PIK3CG: variants seen among roughly 807,000 people sequenced by gnomAD.
PIK3CG encodes the protein phosphatidylinositol-4,5-bisphosphate 3-kinase catalytic subunit gamma.
Under a neutral mutation model 102.3 loss-of-function variants are expected in PIK3CG, and 55 were observed. The ratio of observed to expected loss-of-function variants is 0.54; its 90% CI spans 0.43 to 0.67. PIK3CG has a LOEUF of 0.67. Among genes scored for constraint, PIK3CG ranks in the 30% least tolerant of loss-of-function variants. The pLI, the probability that PIK3CG is intolerant of heterozygous loss-of-function variation, is 0.00. For synonymous variants in PIK3CG, 552 were observed against 540.0 expected (o/e 1.02, Z -0.31); for missense variants, 1,258 against 1,391.8 (o/e 0.90, Z 1.53).
intron 5 of PIK3CG, among the ~76,000 whole-genome samples, chr7:106,875,638 G>C (rs1286645619): frequency 6.6e-6 from 1 of 152,066 alleles, no homozygotes; most frequent in African/African-American, 2.4e-5. Flanking sequence ...ATGCTTTTAA[G>C]ATTCATTCAT....
chr7:106,882,466 A>T, intron 7 of PIK3CG: 1 of 282,182 alleles, frequency 3.5e-6, no homozygotes, highest in East Asian at 5.9e-5. Flanking sequence ...TTCCTTCTCC[A>T]TCTCTAAACT....
chr7:106,882,245 C>A (rs2116539165), intron 7 of PIK3CG, 38 bp downstream of exon 7: 1 of 974,786 alleles, frequency 1.0e-6, no homozygotes, highest in Non-Finnish European at 1.5e-6. Context: ...GACCTCTCAG[C>A]TCGTTTGAAA....
intron 7 of PIK3CG, 70 bp from the exon 8 acceptor site, chr7:106,882,963 C>A (rs2116542554): frequency 2.4e-5 from 25 of 1,055,656 alleles, no homozygotes; most frequent in East Asian, 3.0e-5. Flanking sequence ...TCAACAAAGA[C>A]ATAGCCTTTC....
At chr7:106,888,550 G>C (rs1791175612) in intron 10 of PIK3CG, among the ~76,000 whole-genome samples, 1 of 152,294 alleles carries the variant, frequency 6.6e-6, no homozygotes, top group East Asian at 1.9e-4. Context: ...TCAGTCTGGA[G>C]TATTTCTCCA....
chr7:106,904,977 G>C, intron 10 of PIK3CG, 132 bp from the exon 11 acceptor site: 1 of 761,814 alleles, frequency 1.3e-6, no homozygotes, highest in Non-Finnish European at 2.2e-6. Flanking sequence ...TTTTTCATCT[G>C]AGGCAGGGAC....
In PIK3CG at chr7:106,879,476, G is replaced by C. The variant is rs201626520; in HGVS notation, c.2392-43G>C. The C allele has an allele frequency of 3.0e-4, 460 of 1,521,418 alleles. No individual in the cohort carries two copies. In the African/African-American group the frequency reaches 5.8e-3, roughly 19 times the overall value. 94.2% of individuals were successfully genotyped at this position (1,521,418 alleles called of 1,614,324 possible). A position where few individuals can be genotyped will look rare whatever the true frequency, so the allele number is the denominator to read the frequency against. On this transcript the variant is annotated intron_variant, in intron 5 of 10. Transcript: ENST00000496166. The surrounding 1 kb of genome is among the most constrained non-coding windows in gnomAD (Gnocchi z 4.9). ...ATTTGTGTCTCCACCATGTATATTCGTTATTCATTGTGTGTGGGGAATATG... is the reference window on the plus strand; with the variant it reads ...ATTTGTGTCTCCACCATGTATATTCCTTATTCATTGTGTGTGGGGAATATG...
At position 106,903,463 on chromosome 7, in the gene PIK3CG, T is replaced by G. The variant is rs1022387044; in HGVS notation, c.3031-1646T>G. Among the ~76,000 whole-genome samples the G allele has an allele frequency of 6.6e-6, 1 of 151,876 alleles. No individual in the cohort carries two copies. Among genetic ancestry groups the G allele is most frequent in the Middle Eastern group, 3.2e-3 (1 of 316 alleles). On this transcript the variant is annotated intron_variant, in intron 10 of 10. Coordinates refer to ENST00000496166, the MANE Select transcript of PIK3CG (RefSeq NM_001282426.2). This position sits in a 1 kb window ranked among gnomAD's most constrained non-coding sequence, Gnocchi z 4.3. ...TCTTCAGAGATTAAAGTTTTATAATTTTTTAAGAGTATAAAAATTATAAAT... is the reference window on the plus strand; with the variant it reads ...TCTTCAGAGATTAAAGTTTTATAATGTTTTAAGAGTATAAAAATTATAAAT...
At position 106,866,090 on chromosome 7, in the gene PIK3CG, T is replaced by A. The variant is rs13247898; in HGVS notation, c.-13+664T>A. ...AGTTAAGCCAAGATTTGAACATAAG[T>A]TTGGATCAAATGAAATTTGTCTTTC... On this transcript the variant is annotated intron_variant, in intron 1 of 10. Transcript: ENST00000496166. Among the ~76,000 whole-genome samples the A allele has an allele frequency of 1.5e-3, 235 of 152,338 alleles. 1 individual carries two copies. The highest frequency in any genetic ancestry group is 3.3e-3 in the Admixed American group (51 of 15,308).
intron 2 of PIK3CG, among the ~76,000 whole-genome samples, chr7:106,871,862 A>T (rs2116478166): frequency 6.6e-6 from 1 of 152,370 alleles, no homozygotes; most frequent in South Asian, 2.1e-4. Flanking sequence ...AAATTACTAA[A>T]CACTAAAAAT....
Position 106,885,453 on chromosome 7 carries a change from A to G in PIK3CG, c.2873-682A>G, listed in dbSNP as rs17153576. 6.1e-3 allele frequency among the ~76,000 whole-genome samples: 929 copies of G among 152,314 alleles called. 10 individuals are homozygous for G. The highest frequency in any genetic ancestry group is 0.021 in the African/African-American group (886 of 41,556). On this transcript the variant is annotated intron_variant, in intron 9 of 10. Coordinates refer to ENST00000496166, the MANE Select transcript of PIK3CG (RefSeq NM_001282426.2). ...CCACCAAAGCATGAGATTTTTCTCT[A>G]TGAATTTGGGCCATTTTAAGAGTAG...
chr7:106,901,958 C>T (rs2116609524), intron 10 of PIK3CG, among the ~76,000 whole-genome samples: 1 of 152,278 alleles, frequency 6.6e-6, no homozygotes, highest in East Asian at 1.9e-4. Context: ...GCCATGTTCT[C>T]TCTCAATGCT....
intron 2 of PIK3CG, among the ~76,000 whole-genome samples, chr7:106,871,277 T>A (rs1005440455): frequency 6.6e-6 from 1 of 152,240 alleles, no homozygotes; most frequent in Non-Finnish European, 1.5e-5. Flanking sequence ...CACATCTGGC[T>A]TAGAAACTTA....
Position 106,868,196 on chromosome 7 carries a change from GGAA to G in PIK3CG, c.641_643del (p.Lys214del). 2.5e-6 allele frequency: 4 copies of G among 1,612,262 alleles called. No homozygotes were observed. The highest frequency in any genetic ancestry group is 3.4e-6 in the Non-Finnish European group (4 of 1,180,022). Reference sequence around the variant, plus strand: ...TCCAAGCCCCTCCCGGAGTACCTGTGGAAGAAGATTGCCAACAACTGCATCTTC... The same window carrying G: ...TCCAAGCCCCTCCCGGAGTACCTGTGGAAGATTGCCAACAACTGCATCTTC... On this transcript the variant is annotated inframe_deletion, in exon 2 of 11. Transcript: ENST00000496166. The surrounding 1 kb of genome is among the most constrained non-coding windows in gnomAD (Gnocchi z 6.2).
chr7:106,886,453 T>C (rs1386307846), intron 10 of PIK3CG, among the ~76,000 whole-genome samples, 161 bp downstream of exon 10: 1 of 152,180 alleles, frequency 6.6e-6, no homozygotes, highest in Non-Finnish European at 1.5e-5. Flanking sequence ...TTCACTTCCA[T>C]TCATTCCTTT....
chr7:106,903,372 T>G lies in PIK3CG; in HGVS notation c.3031-1737T>G, dbSNP rs914206930. 6.6e-5 allele frequency among the ~76,000 whole-genome samples: 10 copies of G among 152,108 alleles called. No individual in the cohort carries two copies. Among genetic ancestry groups the G allele is most frequent in the African/African-American group, 2.2e-4 (9 of 41,440 alleles). ...GAAATTTTATGTTTATAGATTAATC[T>G]AAGAATAATTTATATCATTATAAGC... On this transcript the variant is annotated intron_variant, in intron 10 of 10. Coordinates refer to ENST00000496166, the MANE Select transcript of PIK3CG (RefSeq NM_001282426.2). The surrounding 1 kb of genome is among the most constrained non-coding windows in gnomAD (Gnocchi z 4.3).
intron 2 of PIK3CG, among the ~76,000 whole-genome samples, chr7:106,871,540 A>G (rs1790529333): frequency 6.6e-6 from 1 of 152,226 alleles, no homozygotes; most frequent in Non-Finnish European, 1.5e-5. Context: ...TCCGTTCCTT[A>G]GGAAAAAAGG....
At position 106,897,687 on chromosome 7, in the gene PIK3CG, CAT is replaced by C. The variant is rs1791442454; in HGVS notation, c.3031-7421_3031-7420del. ...AAAGATAATAGCCCCCAGCTCCATC[CAT>C]GTTCCCGCAAAAGACATGATCTCAT... On this transcript the variant is annotated intron_variant, in intron 10 of 10. Coordinates refer to ENST00000496166, the MANE Select transcript of PIK3CG (RefSeq NM_001282426.2). This position sits in a 1 kb window ranked among gnomAD's most constrained non-coding sequence, Gnocchi z 4.6. Among the ~76,000 whole-genome samples, 1 of 152,198 alleles carries C rather than the reference CAT, an allele frequency of 6.6e-6. No individual in the cohort carries two copies. Among genetic ancestry groups the C allele is most frequent in the African/African-American group, 2.4e-5 (1 of 41,444 alleles).
rs1262067212 is a variant in PIK3CG at position 106,883,378 on chromosome 7, C to T, written c.2760+215C>T. ...GGCACTCAGTTCAGGACTCCATGAG[C>T]ATTTGCTTCTCTTTTGATTATCAGG... On this transcript the variant is annotated intron_variant, in intron 8 of 10. Coordinates refer to ENST00000496166, the MANE Select transcript of PIK3CG (RefSeq NM_001282426.2). The surrounding 1 kb of genome is among the most constrained non-coding windows in gnomAD (Gnocchi z 5.8). 6.6e-6 allele frequency among the ~76,000 whole-genome samples: 1 copy of T among 152,190 alleles called. No individual in the cohort carries two copies. The highest frequency in any genetic ancestry group is 2.4e-5 in the African/African-American group (1 of 41,446).
intron 1 of PIK3CG, among the ~76,000 whole-genome samples, chr7:106,866,939 G>A (rs1790306154): frequency 6.6e-6 from 1 of 152,212 alleles, no homozygotes; most frequent in Non-Finnish European, 1.5e-5. Context: ...AGCAAGGCTG[G>A]GTGAGGTGTC....
Sources: allele counts gnomAD v4.1 joint callset (sites outside exome capture counted in the v4.1 genomes callset), GRCh38; gene constraint gnomAD v4.1.1; non-coding constraint Gnocchi (gnomAD v3.1); transcripts MANE v1.5; gene names NCBI Gene and HGNC (gene_info 2026-07-23, HGNC 2026-07-21).